TBCD: variants seen among roughly 807,000 people sequenced by gnomAD.
The protein encoded by TBCD is tubulin folding cofactor D, also known as tubulin-specific chaperone D.
Under a neutral mutation model 169.3 loss-of-function variants are expected in TBCD, and 105 were observed. The ratio of observed to expected loss-of-function variants is 0.62; its 90% CI spans 0.53 to 0.73. The LOEUF (loss-of-function observed/expected upper bound fraction) is 0.73, where lower values mean the gene tolerates loss of function less well. Among genes scored for constraint, TBCD ranks in the 30% least tolerant of loss-of-function variants. The pLI is 0.00. For missense variants in TBCD, 1,444 were observed against 1,600.1 expected (o/e 0.90, Z 1.66); for synonymous variants, 700 against 643.9 (o/e 1.09, Z -1.32).
intron 13 of TBCD, among the ~76,000 whole-genome samples, chr17:82,847,356 GAAAAAAAAAAA>G (rs1041994030): frequency 5.5e-4 from 45 of 81,752 alleles, no homozygotes; most frequent in African/African-American, 1.7e-3. Flanking sequence ...CCATGTCAAA[GAAAAAAAAAAA>G]AAAAAAAAAA....
chr17:82,838,788 C>T, intron 13 of TBCD: 10 of 985,422 alleles, frequency 1.0e-5, no homozygotes, highest in Non-Finnish European at 1.2e-5. Flanking sequence ...CAACCAGGGG[C>T]TCTTAACTCT....
chr17:82,870,777 C>T (rs897529233), intron 14 of TBCD, among the ~76,000 whole-genome samples: 1 of 152,252 alleles, frequency 6.6e-6, no homozygotes, highest in African/African-American at 2.4e-5. Flanking sequence ...CCTGTGCGTG[C>T]TCCCTGCGGT....
intron 9 of TBCD, among the ~76,000 whole-genome samples, chr17:82,803,603 C>A (rs565260700): frequency 6.6e-6 from 1 of 152,326 alleles, no homozygotes; most frequent in East Asian, 1.9e-4. Flanking sequence ...GTAGAAAGTA[C>A]CCCTGCGGGG....
intron 14 of TBCD, among the ~76,000 whole-genome samples, chr17:82,881,909 C>T (rs2058377802): frequency 6.6e-6 from 1 of 150,750 alleles, no homozygotes. Context: ...CTGTCTCTCC[C>T]CCCTCTCCCC....
intron 12 of TBCD, among the ~76,000 whole-genome samples, chr17:82,813,650 A>C (rs1480719169): frequency 6.6e-6 from 1 of 152,232 alleles, no homozygotes; most frequent in Non-Finnish European, 1.5e-5. Flanking sequence ...GTGTTTTGTC[A>C]AGTTCATTCA....
In TBCD at chr17:82,874,852, C is replaced by T. The variant is rs779411782; in HGVS notation, c.1475+4472C>T. ...CATTTTAATTACCAGCTTTTATGCC[C>T]GTCAATTTGGGAACGTGATACAATC... On this transcript the variant is annotated intron_variant, in intron 14 of 38. Coordinates refer to ENST00000355528, the MANE Select transcript of TBCD (RefSeq NM_005993.5). This position sits in a 1 kb window ranked among gnomAD's most constrained non-coding sequence, Gnocchi z 5.0. Among the ~76,000 whole-genome samples the T allele has an allele frequency of 1.3e-5, 2 of 152,140 alleles. No individual in the cohort carries two copies. The highest frequency in any genetic ancestry group is 1.5e-5 in the Non-Finnish European group (1 of 68,024).
In TBCD at chr17:82,820,995, G is replaced by A. The variant is rs149150551; in HGVS notation, c.1318+6061G>A. Among the ~76,000 whole-genome samples, 139 of 152,104 alleles carry A rather than the reference G, an allele frequency of 9.1e-4. 2 individuals are homozygous for A. The East Asian group carries it at 0.019, about 21-fold the overall frequency. ...TTTTGAGACAGGGTCTTGCTCTGTC[G>A]CCCAGGCTGGAGTGCAGTGGTGGTA... On this transcript the variant is annotated intron_variant, in intron 13 of 38. Transcript: ENST00000355528.
At chr17:82,877,014 C>CT in intron 14 of TBCD, 2 of 979,374 alleles carry the variant, frequency 2.0e-6, no homozygotes, top group Non-Finnish European at 2.4e-6. Flanking sequence ...AGTTTCTTCT[C>CT]TTTTTTCCAT....
chr17:82,941,525 C>T, intron 38 of TBCD, 42 bp downstream of exon 38: 1 of 1,527,412 alleles, frequency 6.5e-7, no homozygotes, highest in Non-Finnish European at 8.9e-7. Flanking sequence ...CTGTGCTTCC[C>T]TGAGCTCTGG....
chr17:82,752,078 G>C lies in TBCD; in HGVS notation c.-116G>C, dbSNP rs1054696914. 27 of 1,199,664 alleles carry C rather than the reference G, an allele frequency of 2.3e-5. No individual in the cohort carries two copies. Among genetic ancestry groups the C allele is most frequent in the Non-Finnish European group, 5.5e-6 (5 of 915,352 alleles). The allele number at this position is 1,199,664 out of a possible 1,614,324, so 74.3% of individuals were successfully genotyped here. On this transcript the variant is annotated 5_prime_UTR_variant, in exon 1 of 39. Transcript: ENST00000355528. The stretch of plus-strand genomic sequence containing the variant: ...TCGCGGGGCGGGGCCAGCGTCGGTT[G>C]CCGCCTTAGCGGGCGCCTCCTTTTC...
intron 23 of TBCD, among the ~76,000 whole-genome samples, chr17:82,917,836 G>T (rs1402741435): frequency 6.6e-6 from 1 of 152,214 alleles, no homozygotes; most frequent in Non-Finnish European, 1.5e-5. Flanking sequence ...GGGGTTTCTG[G>T]TTCTTGTGGC....
intron 21 of TBCD, 98 bp from the exon 22 acceptor site, chr17:82,909,187 T>G: frequency 9.6e-7 from 1 of 1,041,900 alleles, no homozygotes; most frequent in Non-Finnish European, 1.4e-6. Context: ...TGGCATCTTC[T>G]GCCATTTTCT....
intron 14 of TBCD, among the ~76,000 whole-genome samples, chr17:82,876,352 C>T (rs1288244780): frequency 2.6e-5 from 4 of 152,196 alleles, no homozygotes; most frequent in Admixed American, 1.3e-4. Context: ...GCAGACAGGC[C>T]GGCCCTTCTC....
At chr17:82,794,028 G>A (rs905542115) in intron 7 of TBCD, among the ~76,000 whole-genome samples, 1 of 152,194 alleles carries the variant, frequency 6.6e-6, no homozygotes, top group African/African-American at 2.4e-5. Flanking sequence ...AGTGCCGGCC[G>A]GCACTCACAG....
chr17:82,815,306 T>G (rs777910454), intron 13 of TBCD, among the ~76,000 whole-genome samples: 6 of 152,242 alleles, frequency 3.9e-5, no homozygotes, highest in Non-Finnish European at 7.3e-5. Context: ...AAAACCGGTT[T>G]TCATTCTTGA....
intron 13 of TBCD, among the ~76,000 whole-genome samples, chr17:82,827,073 T>G (rs1433067409): frequency 6.6e-6 from 1 of 152,236 alleles, no homozygotes; most frequent in Non-Finnish European, 1.5e-5. Flanking sequence ...GCCCGGCCCC[T>G]ATTTTTACTT....
chr17:82,797,594 T>C (rs1355378479), intron 7 of TBCD, among the ~76,000 whole-genome samples, 163 bp from the exon 8 acceptor site: 2 of 152,218 alleles, frequency 1.3e-5, no homozygotes, highest in African/African-American at 2.4e-5. Flanking sequence ...TAGTCTCTTA[T>C]AATTACTTTA....
In TBCD at chr17:82,940,215, A is replaced by ACG. The variant is rs150235409; in HGVS notation, c.3479+745_3479+746dup. 3.7e-3 allele frequency among the ~76,000 whole-genome samples: 356 copies of ACG among 96,748 alleles called. 7 individuals are homozygous for ACG. Among genetic ancestry groups the ACG allele is most frequent in the Admixed American group, 0.023 (204 of 9,016 alleles). 63.5% of individuals were successfully genotyped at this position (96,748 alleles called of 152,430 possible). On this transcript the variant is annotated intron_variant, in intron 37 of 38. Transcript: ENST00000355528. ...CTGGCTCACACACATGCTCACTTGC[A>ACG]CGCGCGCACACACACACACACACAC...
intron 36 of TBCD, among the ~76,000 whole-genome samples, chr17:82,938,411 G>T (rs956916705): frequency 6.6e-6 from 1 of 152,176 alleles, no homozygotes; most frequent in East Asian, 1.9e-4. Context: ...GCTTCCAGAA[G>T]GACCCAGGCT....
Sources: allele counts gnomAD v4.1 joint callset (sites outside exome capture counted in the v4.1 genomes callset), GRCh38; gene constraint gnomAD v4.1.1; non-coding constraint Gnocchi (gnomAD v3.1); transcripts MANE v1.5; gene names NCBI Gene and HGNC (gene_info 2026-07-23, HGNC 2026-07-21).